The following GSG1L variants were observed in gnomAD, a reference collection of about 807,000 sequenced individuals.
The protein encoded by GSG1L is germ cell-specific gene 1-like protein.
GSG1L carries 24 observed loss-of-function variants against 42.1 expected under a neutral mutation model. The observed-to-expected ratio is 0.57, with a 90% CI of 0.41 to 0.80. GSG1L has a LOEUF of 0.80. GSG1L is among the 30% of genes least tolerant of loss of function. GSG1L has a pLI of 0.00. For missense variants in GSG1L, 445 were observed against 472.2 expected (o/e 0.94, Z 0.53); for synonymous variants, 215 against 203.5 (o/e 1.06, Z -0.48).
At chr16:27,965,865 T>G (rs1055696073) in intron 1 of GSG1L, among the ~76,000 whole-genome samples, 3 of 152,136 alleles carry the variant, frequency 2.0e-5, no homozygotes, top group Non-Finnish European at 1.5e-5. Context: ...CCTTCTCTGC[T>G]CAGAACCCTC....
In GSG1L at chr16:28,063,504, G is replaced by A; in HGVS notation, c.-80C>T. ...TTGGCAGCTGGCGCCCCGCGTCAGCGGCCGCTGCCCGCCGCGCCCCGGGGC... is the reference window on the plus strand; with the variant it reads ...TTGGCAGCTGGCGCCCCGCGTCAGCAGCCGCTGCCCGCCGCGCCCCGGGGC... On this transcript the variant is annotated 5_prime_UTR_variant, in exon 1 of 7. Transcript: ENST00000447459. The surrounding 1 kb of genome is among the most constrained non-coding windows in gnomAD (Gnocchi z 5.8). 1 of 937,598 alleles carries A rather than the reference G, an allele frequency of 1.1e-6. No homozygotes were observed. The highest frequency in any genetic ancestry group is 1.3e-6 in the Non-Finnish European group (1 of 754,658). 58.1% of individuals were successfully genotyped at this position (937,598 alleles called of 1,614,324 possible).
intron 2 of GSG1L, among the ~76,000 whole-genome samples, chr16:27,954,671 T>A (rs1436724809): frequency 6.6e-6 from 1 of 152,166 alleles, no homozygotes; most frequent in East Asian, 1.9e-4. Flanking sequence ...ATTTTGTTTT[T>A]GAGACAGGGT....
rs72780151 is a variant in GSG1L at position 27,800,158 on chromosome 16, T to A, written c.898+7329A>T. Among the ~76,000 whole-genome samples, 820 of 152,318 alleles carry A rather than the reference T, an allele frequency of 5.4e-3. 5 individuals are homozygous for A. The highest frequency in any genetic ancestry group is 0.027 in the Middle Eastern group (8 of 294). On this transcript the variant is annotated intron_variant, in intron 6 of 6. Coordinates refer to ENST00000447459, the MANE Select transcript of GSG1L (RefSeq NM_001109763.2). The stretch of plus-strand genomic sequence containing the variant: ...TGTGCCATCTGCGCTCCCAGCAAAT[T>A]GGCATTGATATTTATTTTAGAAATA...
intron 3 of GSG1L, 25 bp from the exon 4 acceptor site, chr16:27,845,086 G>C (rs369146919): frequency 1.3e-6 from 2 of 1,520,090 alleles, no homozygotes; most frequent in African/African-American, 1.4e-5. Flanking sequence ...GCAGAGCAAA[G>C]CGTCAGGAAG....
chr16:27,965,829 TG>T (rs2085125983), intron 1 of GSG1L, among the ~76,000 whole-genome samples: 1 of 152,234 alleles, frequency 6.6e-6, no homozygotes, highest in Admixed American at 6.5e-5. Context: ...AGAAGTATCC[TG>T]GTATAACCTA....
intron 1 of GSG1L, among the ~76,000 whole-genome samples, chr16:28,046,859 T>C (rs1292994241): frequency 6.6e-6 from 1 of 152,218 alleles, no homozygotes; most frequent in East Asian, 1.9e-4. Context: ...TGTGGCCGAC[T>C]TCCTCTCAGT....
Position 27,971,188 on chromosome 16 carries a change from T to C in GSG1L, c.350-7985A>G, listed in dbSNP as rs145187499. On this transcript the variant is annotated intron_variant, in intron 1 of 6. Coordinates refer to ENST00000447459, the MANE Select transcript of GSG1L (RefSeq NM_001109763.2). ...TGTGAATTTCTTTAAAAAAGCAAGT[T>C]GGAATTTTGAAAGGGATTGCACTGA... is the stretch of plus-strand genomic sequence containing the variant. Among the ~76,000 whole-genome samples the C allele has an allele frequency of 4.8e-3, 729 of 152,326 alleles. 8 individuals carry two copies. Among genetic ancestry groups the C allele is most frequent in the African/African-American group, 0.017 (703 of 41,586 alleles).
intron 2 of GSG1L, among the ~76,000 whole-genome samples, chr16:27,949,405 G>T (rs1161762836): frequency 6.6e-6 from 1 of 152,172 alleles, no homozygotes; most frequent in Non-Finnish European, 1.5e-5. Context: ...GCCGAAATTG[G>T]GAAGGCAGCG....
chr16:27,853,004 T>C (rs772297330), intron 3 of GSG1L, among the ~76,000 whole-genome samples: 2 of 152,092 alleles, frequency 1.3e-5, no homozygotes, highest in Non-Finnish European at 2.9e-5. Context: ...GGCAAGGGAC[T>C]GGGGGAAACT....
chr16:27,824,372 C>G (rs1364206955), intron 5 of GSG1L, among the ~76,000 whole-genome samples: 1 of 152,158 alleles, frequency 6.6e-6, no homozygotes, highest in Admixed American at 6.5e-5. Flanking sequence ...CACCCTCTGT[C>G]CCCCGTGGAG....
At chr16:27,986,059 T>C (rs915667378) in intron 1 of GSG1L, among the ~76,000 whole-genome samples, 3 of 152,136 alleles carry the variant, frequency 2.0e-5, no homozygotes, top group African/African-American at 7.2e-5. Context: ...AGGGATTACT[T>C]AGTACTATGA....
Position 27,823,897 on chromosome 16 carries a change from C to T in GSG1L, c.830+4892G>A, listed in dbSNP as rs778091644. On this transcript the variant is annotated intron_variant, in intron 5 of 6. Coordinates refer to ENST00000447459, the MANE Select transcript of GSG1L (RefSeq NM_001109763.2). ...ACCTGGGGCAAGTCGCCCTCCCTCT[C>T]TGTGCCTCGATTTGCCACCTGTAAA... 11 of 702,864 alleles carry T rather than the reference C, an allele frequency of 1.6e-5. No homozygotes were observed. The South Asian group carries it at 1.6e-4, about 10-fold the overall frequency. 43.5% of individuals were successfully genotyped at this position (702,864 alleles called of 1,614,324 possible).
At chr16:27,878,559 A>G (rs1003802632) in intron 3 of GSG1L, among the ~76,000 whole-genome samples, 1 of 152,126 alleles carries the variant, frequency 6.6e-6, no homozygotes, top group Non-Finnish European at 1.5e-5. Context: ...GGTAAACCAT[A>G]TCAAGCTGGG....
At chr16:27,951,843 G>T (rs767803993) in intron 2 of GSG1L, among the ~76,000 whole-genome samples, 2 of 152,212 alleles carry the variant, frequency 1.3e-5, no homozygotes, top group African/African-American at 2.4e-5. Context: ...AGAACAGAGA[G>T]GTTGAGGGAA....
intron 1 of GSG1L, among the ~76,000 whole-genome samples, chr16:28,022,204 G>A (rs2085851742): frequency 6.6e-6 from 1 of 152,224 alleles, no homozygotes; most frequent in Admixed American, 6.5e-5. Context: ...GTAGGACCAT[G>A]AGGGGAGTTG....
At chr16:28,035,101 G>A (rs573283314) in intron 1 of GSG1L, among the ~76,000 whole-genome samples, 77 of 152,252 alleles carry the variant, frequency 5.1e-4, no homozygotes, top group Middle Eastern at 3.4e-3. Context: ...CAAACTCCTG[G>A]GCTCAAGCAA....
chr16:27,979,155 A>C (rs1247135417), intron 1 of GSG1L, among the ~76,000 whole-genome samples: 1 of 152,186 alleles, frequency 6.6e-6, no homozygotes, highest in Non-Finnish European at 1.5e-5. Flanking sequence ...GCTTGCAAAA[A>C]GGATTCAAAC....
At chr16:27,829,303 G>A (rs1052874885) in intron 4 of GSG1L, among the ~76,000 whole-genome samples, 6 of 152,278 alleles carry the variant, frequency 3.9e-5, no homozygotes, top group African/African-American at 1.4e-4. Context: ...CCGGGGGAAA[G>A]GGCATTCCAG....
chr16:27,861,096 G>T (rs557837445), intron 3 of GSG1L, among the ~76,000 whole-genome samples: 2 of 152,186 alleles, frequency 1.3e-5, no homozygotes, highest in Non-Finnish European at 2.9e-5. Context: ...GGCCGGGTTC[G>T]GTGGTTCATG....
Sources: allele counts gnomAD v4.1 joint callset (sites outside exome capture counted in the v4.1 genomes callset), GRCh38; gene constraint gnomAD v4.1.1; non-coding constraint Gnocchi (gnomAD v3.1); transcripts MANE v1.5; gene names NCBI Gene and HGNC (gene_info 2026-07-23, HGNC 2026-07-21).